LHFPL3: variants seen among roughly 807,000 people sequenced by gnomAD.
The protein encoded by LHFPL3 is LHFPL tetraspan subfamily member 3 protein.
Under a neutral mutation model 19.3 loss-of-function variants are expected in LHFPL3, and 5 were observed. That is an observed-to-expected ratio of 0.26 (90% CI 0.14 to 0.54). The LOEUF (loss-of-function observed/expected upper bound fraction) is 0.54, where lower values mean the gene tolerates loss of function less well. LHFPL3 is among the 20% of genes least tolerant of loss of function. The pLI is 0.94. For missense variants in LHFPL3, 249 were observed against 307.4 expected (o/e 0.81, Z 1.42); for synonymous variants, 133 against 126.2 (o/e 1.05, Z -0.36).
chr7:104,525,351 G>C (rs1166336558), intron 1 of LHFPL3, among the ~76,000 whole-genome samples: 1 of 151,992 alleles, frequency 6.6e-6, no homozygotes, highest in African/African-American at 2.4e-5. Context: ...TATTCAAGGG[G>C]CCTCCTGAGT....
At chr7:104,447,684 T>A (rs921212003) in intron 1 of LHFPL3, among the ~76,000 whole-genome samples, 1 of 152,136 alleles carries the variant, frequency 6.6e-6, no homozygotes, top group African/African-American at 2.4e-5. Context: ...CCTTTTTGAC[T>A]TCTGTGTTTC....
chr7:104,696,213 G>C (rs1192480277), intron 1 of LHFPL3, among the ~76,000 whole-genome samples: 3 of 152,214 alleles, frequency 2.0e-5, no homozygotes, highest in Non-Finnish European at 2.9e-5. Flanking sequence ...GCCTCCCGGA[G>C]TGCTGGGTCT....
chr7:104,554,265 G>A (rs1794715997), intron 1 of LHFPL3, among the ~76,000 whole-genome samples: 1 of 151,606 alleles, frequency 6.6e-6, no homozygotes, highest in Non-Finnish European at 1.5e-5. Context: ...TCTTCATTTA[G>A]GAAATGGATT....
chr7:104,565,911 T>C (rs1447247926), intron 1 of LHFPL3, among the ~76,000 whole-genome samples: 1 of 152,142 alleles, frequency 6.6e-6, no homozygotes, highest in East Asian at 1.9e-4. Flanking sequence ...ACTGTGATTA[T>C]ATGTGACAGA....
intron 1 of LHFPL3, among the ~76,000 whole-genome samples, chr7:104,485,986 G>A (rs543380631): frequency 8.5e-5 from 13 of 152,234 alleles, no homozygotes; most frequent in Non-Finnish European, 1.0e-4. Flanking sequence ...AACGTCTTCA[G>A]TAATCCTTTC....
chr7:104,902,104 G>A (rs1792497047), intron 2 of LHFPL3, among the ~76,000 whole-genome samples: 1 of 152,126 alleles, frequency 6.6e-6, no homozygotes, highest in Admixed American at 6.6e-5. Flanking sequence ...TAATGGCCAG[G>A]TGCAGTGGCT....
At chr7:104,507,967 TG>T (rs1793733335) in intron 1 of LHFPL3, among the ~76,000 whole-genome samples, 1 of 130,978 alleles carries the variant, frequency 7.6e-6, no homozygotes, top group South Asian at 2.9e-4. Flanking sequence ...CAACAGGTGC[TG>T]GAGAGGATGT....
chr7:104,802,101 C>A lies in LHFPL3; in HGVS notation c.682+65190C>A, dbSNP rs374067281. Among the ~76,000 whole-genome samples, 9 of 152,144 alleles carry A rather than the reference C, an allele frequency of 5.9e-5. No individual in the cohort carries two copies. In the East Asian group the frequency reaches 1.4e-3, roughly 23 times the overall value. ...TCTCCCCAAAATTTTTGGTGTTTCC[C>A]CAAAATTCATATGTTGGAACTTAAT... On this transcript the variant is annotated intron_variant, in intron 2 of 2. Coordinates refer to ENST00000424859, the MANE Select transcript of LHFPL3 (RefSeq NM_199000.3).
intron 1 of LHFPL3, among the ~76,000 whole-genome samples, chr7:104,372,163 C>G (rs1337387550): frequency 6.6e-6 from 1 of 152,158 alleles, no homozygotes; most frequent in African/African-American, 2.4e-5. Context: ...CTTCCTGTAG[C>G]TGGAGGTGCT....
chr7:104,556,924 A>C (rs953092869), intron 1 of LHFPL3, among the ~76,000 whole-genome samples: 1 of 152,216 alleles, frequency 6.6e-6, no homozygotes, highest in Admixed American at 6.5e-5. Flanking sequence ...TCTCTAGGGC[A>C]GGAGCAGAAT....
chr7:104,615,815 T>C (rs1180022222), intron 1 of LHFPL3, among the ~76,000 whole-genome samples: 1 of 152,000 alleles, frequency 6.6e-6, no homozygotes, highest in Non-Finnish European at 1.5e-5. Context: ...CGAATGATGG[T>C]TTCCAGCTTC....
intron 2 of LHFPL3, among the ~76,000 whole-genome samples, chr7:104,820,105 T>G (rs1417812031): frequency 3.3e-5 from 5 of 152,184 alleles, no homozygotes; most frequent in African/African-American, 1.2e-4. Context: ...ACCTTCTCAT[T>G]CATACACATC....
intron 1 of LHFPL3, among the ~76,000 whole-genome samples, chr7:104,386,308 T>C (rs1316618075): frequency 6.6e-6 from 1 of 152,190 alleles, no homozygotes; most frequent in Non-Finnish European, 1.5e-5. Context: ...TGACCTGACT[T>C]GGAGCTCATT....
At chr7:104,843,992 C>T (rs1430608607) in intron 2 of LHFPL3, among the ~76,000 whole-genome samples, 1 of 152,170 alleles carries the variant, frequency 6.6e-6, no homozygotes, top group African/African-American at 2.4e-5. Context: ...CTGGTGCTGA[C>T]CAACCAGGGA....
intron 1 of LHFPL3, among the ~76,000 whole-genome samples, chr7:104,716,604 ATAAACT>A (rs1793391634): frequency 6.6e-6 from 1 of 152,198 alleles, no homozygotes; most frequent in South Asian, 2.1e-4. Context: ...ATACTTAGAA[ATAAACT>A]TAACTAAGGA....
At chr7:104,730,945 G>A (rs1319215587) in intron 1 of LHFPL3, among the ~76,000 whole-genome samples, 1 of 152,208 alleles carries the variant, frequency 6.6e-6, no homozygotes, top group Non-Finnish European at 1.5e-5. Flanking sequence ...AAGGGATACA[G>A]TTTCAGCTTT....
At chr7:104,563,465 C>A (rs1026375672) in intron 1 of LHFPL3, among the ~76,000 whole-genome samples, 1 of 152,302 alleles carries the variant, frequency 6.6e-6, no homozygotes, top group African/African-American at 2.4e-5. Flanking sequence ...TCCGTCACCC[C>A]TTTCTTTGAC....
chr7:104,586,342 T>C (rs1273038927), intron 1 of LHFPL3, among the ~76,000 whole-genome samples: 1 of 152,124 alleles, frequency 6.6e-6, no homozygotes, highest in Non-Finnish European at 1.5e-5. Flanking sequence ...CAAAAACAGC[T>C]ATTATAATTC....
chr7:104,702,735 A>G (rs1476035893), intron 1 of LHFPL3, among the ~76,000 whole-genome samples: 1 of 152,220 alleles, frequency 6.6e-6, no homozygotes, highest in Non-Finnish European at 1.5e-5. Context: ...GACACCTTCA[A>G]TTAACCCCTA....
Sources: allele counts gnomAD v4.1 joint callset (sites outside exome capture counted in the v4.1 genomes callset), GRCh38; gene constraint gnomAD v4.1.1; transcripts MANE v1.5; gene names NCBI Gene and HGNC (gene_info 2026-07-23, HGNC 2026-07-21).